Variants in ZDHHC4 observed in about 807,000 individuals in gnomAD.
ZDHHC4 encodes the protein zDHHC palmitoyltransferase 4.
In ZDHHC4, 42 loss-of-function variants were observed where a neutral mutation model predicts 36.7. The ratio of observed to expected loss-of-function variants is 1.14; its 90% confidence interval spans 0.89 to 1.48. ZDHHC4 has a LOEUF of 1.48. Ranked by LOEUF, ZDHHC4 falls within the 40% of genes most tolerant of loss-of-function variation. The pLI, the probability that ZDHHC4 is intolerant of heterozygous loss-of-function variation, is 0.00. For synonymous variants in ZDHHC4, 189 were observed against 166.6 expected, an observed-to-expected ratio of 1.13 and a Z score of -1.03; for missense variants, 457 against 421.5, an observed-to-expected ratio of 1.08 and a Z score of -0.74.
chr7:6,583,523 A>G (rs1781017617), intron 6 of ZDHHC4, 92 bp downstream of exon 6: 8 of 1,498,794 alleles, frequency 5.3e-6, no homozygotes, highest in Admixed American at 2.4e-5. Context: ...CCGAAAGCAG[A>G]GCCAGTTCAC....
chr7:6,578,167 G>A (rs1439737618), intron 1 of ZDHHC4, among the ~76,000 whole-genome samples: 1 of 151,854 alleles, frequency 6.6e-6, no homozygotes, highest in Non-Finnish European at 1.5e-5. Context: ...CAGCTCTATG[G>A]CCCAGGCTGG....
In ZDHHC4 at chr7:6,588,599, C is replaced by A. The variant is rs984325582; in HGVS notation, c.742-18C>A. The A allele has an allele frequency of 6.2e-7, 1 of 1,612,254 alleles. No individual in the cohort carries two copies. Among genetic ancestry groups the A allele is most frequent in the Non-Finnish European group, 8.5e-7 (1 of 1,178,900 alleles). On this transcript the variant is annotated intron_variant, in intron 7 of 7. Transcript: ENST00000335965. ...CACAGTCCAGCTGCCTAAAGCACTA[C>A]CTTTTCTCTGCTCCTAGTACCTGTT...
rs372687973 is a variant in ZDHHC4 at position 6,578,055 on chromosome 7, C to A, written c.-162-511C>A. On this transcript the variant is annotated intron_variant, in intron 1 of 7. Transcript: ENST00000335965. ...ATGTTGGTCAGGCTGGTCTCGAACT[C>A]CTGACCTCAGGTGTTCTACCCGCCT... 2.1e-3 allele frequency among the ~76,000 whole-genome samples: 318 copies of A among 152,290 alleles called. 1 individual carries two copies. Among genetic ancestry groups the A allele is most frequent in the South Asian group, 0.019 (93 of 4,822 alleles).
In ZDHHC4 at chr7:6,589,317, C is replaced by G. The variant is rs548717057; in HGVS notation, c.*407C>G. 1 of 194,922 alleles carries G rather than the reference C, an allele frequency of 5.1e-6. No individual in the cohort carries two copies. The highest frequency in any genetic ancestry group is 1.1e-5 in the Non-Finnish European group (1 of 91,654). 12.1% of individuals were successfully genotyped at this position (194,922 alleles called of 1,614,324 possible). ...TTATGCCCCCTCTATTCTCCTCTCT[C>G]CCCCAGGGGATTTTCATCTCAACAA... On this transcript the variant is annotated 3_prime_UTR_variant, in exon 8 of 8. Coordinates refer to ENST00000335965, the MANE Select transcript of ZDHHC4 (RefSeq NM_001134389.2).
chr7:6,578,797 T>A (rs188440218), intron 2 of ZDHHC4, 77 bp downstream of exon 2: 1 of 152,324 alleles, frequency 6.6e-6, no homozygotes, highest in Non-Finnish European at 1.5e-5. Flanking sequence ...CATGAATAGC[T>A]TCTTGTTTGG....
chr7:6,587,958 C>T (rs781360664), intron 7 of ZDHHC4, among the ~76,000 whole-genome samples: 20 of 152,204 alleles, frequency 1.3e-4, no homozygotes, highest in Non-Finnish European at 2.1e-4. Flanking sequence ...CTTCACCGCC[C>T]GGGTTGAAGC....
chr7:6,584,599 G>C (rs974754599), intron 6 of ZDHHC4, among the ~76,000 whole-genome samples: 1 of 152,120 alleles, frequency 6.6e-6, no homozygotes, highest in African/African-American at 2.4e-5. Context: ...AAAGACAACT[G>C]TAAATTTGTC....
intron 2 of ZDHHC4, among the ~76,000 whole-genome samples, 177 bp downstream of exon 2, chr7:6,578,897 A>C (rs1404995641): frequency 6.6e-6 from 1 of 152,150 alleles, no homozygotes; most frequent in Non-Finnish European, 1.5e-5. Flanking sequence ...TTTTTGAGAC[A>C]GGGTCTCATG....
Position 6,588,995 on chromosome 7 carries a change from G to C in ZDHHC4, c.*85G>C. Reference sequence around the variant, plus strand: ...TTTCCAAGCATGGCTTGTTTGTTTTGATTTCTGCTGTGCTTATAAATCACT... The same window carrying C: ...TTTCCAAGCATGGCTTGTTTGTTTTCATTTCTGCTGTGCTTATAAATCACT... On this transcript the variant is annotated 3_prime_UTR_variant, in exon 8 of 8. Transcript: ENST00000335965. 2.7e-6 allele frequency: 4 copies of C among 1,503,216 alleles called. No homozygotes were observed. The South Asian group carries it at 3.8e-5, about 14-fold the overall frequency. The allele number at this position is 1,503,216 out of a possible 1,614,324, so 93.1% of individuals were successfully genotyped here. A position where few individuals can be genotyped will look rare whatever the true frequency, so the allele number is the denominator to read the frequency against.
At chr7:6,584,902 C>T (rs1781123900) in intron 6 of ZDHHC4, 114 bp from the exon 7 acceptor site, 2 of 1,452,640 alleles carry the variant, frequency 1.4e-6, no homozygotes, top group South Asian at 2.7e-5. Flanking sequence ...TAAGCAGCTG[C>T]CATTTTCCTC....
intron 7 of ZDHHC4, 144 bp downstream of exon 7, chr7:6,585,404 G>A (rs928344886): frequency 1.1e-4 from 126 of 1,178,308 alleles, no homozygotes; most frequent in Non-Finnish European, 1.4e-4. Context: ...TGGGAGGATC[G>A]CATGAGGCTA....
chr7:6,580,635 C>T lies in ZDHHC4; in HGVS notation c.74C>T (p.Ser25Leu), dbSNP rs774421869. 20 of 1,613,936 alleles carry T rather than the reference C, an allele frequency of 1.2e-5. No homozygotes were observed. Among genetic ancestry groups the T allele is most frequent in the East Asian group, 2.2e-5 (1 of 44,878 alleles). The part of the protein sequence containing the change: ...LMGLVLICVC[S>L]KTHSLKGLAR... ...GGTCTTGTTCTTATCTGCGTCTGCTCGAAAACCCATAGCTTGAAAGGCCTG... is the reference window on the plus strand; with the variant it reads ...GGTCTTGTTCTTATCTGCGTCTGCTTGAAAACCCATAGCTTGAAAGGCCTG... The change falls in exon 3 of 8, where the codon TCG becomes TTG. Residue 25 changes from serine (S) to leucine (L), a missense_variant. Coordinates refer to ENST00000335965, the MANE Select transcript of ZDHHC4 (RefSeq NM_001134389.2).
At chr7:6,582,007 C>A in intron 4 of ZDHHC4, 66 bp from the exon 5 acceptor site, 2 of 1,530,292 alleles carry the variant, frequency 1.3e-6, no homozygotes, top group Non-Finnish European at 1.8e-6. Context: ...TGGTTACTTT[C>A]TTTAGTATCA....
intron 3 of ZDHHC4, among the ~76,000 whole-genome samples, chr7:6,581,299 C>G (rs142777686): frequency 6.6e-6 from 1 of 152,206 alleles, no homozygotes; most frequent in Non-Finnish European, 1.5e-5. Context: ...TGGGATTGAA[C>G]CCAGGCTGGG....
intron 6 of ZDHHC4, chr7:6,584,206 T>A (rs2115177787): frequency 6.6e-6 from 1 of 152,360 alleles, no homozygotes; most frequent in South Asian, 2.1e-4. Context: ...TGAGATAGTT[T>A]ATATTCTTTT....
Position 6,582,020 on chromosome 7 carries a change from C to G in ZDHHC4, c.192-53C>G, listed in dbSNP as rs544130817. On this transcript the variant is annotated intron_variant, in intron 4 of 7. Coordinates refer to ENST00000335965, the MANE Select transcript of ZDHHC4 (RefSeq NM_001134389.2). ...GTTGGTTACTTTCTTTAGTATCATA[C>G]AATTTCTTCAAGAAGAAACCCCCAT... is the stretch of plus-strand genomic sequence containing the variant. The G allele has an allele frequency of 8.8e-5, 137 of 1,562,938 alleles. 2 individuals are homozygous for G. The African/African-American group carries it at 1.8e-3, about 21-fold the overall frequency.
In ZDHHC4 at chr7:6,589,041, G is replaced by A; in HGVS notation, c.*131G>A. The A allele has an allele frequency of 1.7e-6, 2 of 1,154,960 alleles. No homozygotes were observed. Among genetic ancestry groups the A allele is most frequent in the Non-Finnish European group, 2.4e-6 (2 of 818,814 alleles). 71.5% of individuals were successfully genotyped at this position (1,154,960 alleles called of 1,614,324 possible). A position where few individuals can be genotyped will look rare whatever the true frequency, so the allele number is the denominator to read the frequency against. The stretch of plus-strand genomic sequence containing the variant: ...TCACTTTCGGTGGGCAAGGGAGAGA[G>A]GGGAAAATGGGTGTTGACTGAGGAA... On this transcript the variant is annotated 3_prime_UTR_variant, in exon 8 of 8. Coordinates refer to ENST00000335965, the MANE Select transcript of ZDHHC4 (RefSeq NM_001134389.2).
chr7:6,582,339 A>G, intron 5 of ZDHHC4, 88 bp downstream of exon 5: 6 of 1,204,596 alleles, frequency 5.0e-6, no homozygotes, highest in Non-Finnish European at 6.8e-6. Flanking sequence ...CCCCCTGAGG[A>G]CTTTGTAAAA....
At chr7:6,577,664 G>A (rs1007157800) in intron 1 of ZDHHC4, 166 bp downstream of exon 1, 1 of 152,240 alleles carries the variant, frequency 6.6e-6, no homozygotes, top group African/African-American at 2.4e-5. Context: ...TGCACTCCAC[G>A]TCCCCCTACC....
Sources: allele counts gnomAD v4.1 joint callset (sites outside exome capture counted in the v4.1 genomes callset), GRCh38; gene constraint gnomAD v4.1.1; transcripts MANE v1.5; gene names NCBI Gene and HGNC (gene_info 2026-07-23, HGNC 2026-07-21).